Variants in CAD observed in about 807,000 individuals in gnomAD.
The protein encoded by CAD is multifunctional protein CAD.
Under a neutral mutation model 237.2 loss-of-function variants are expected in CAD, and 81 were observed. The observed-to-expected ratio is 0.34, with a 90% CI of 0.29 to 0.41. The LOEUF is 0.41. Ranked by LOEUF, CAD falls within the 10% of genes least tolerant of loss-of-function variation. The pLI is 1.00. For synonymous variants in CAD, 1,196 were observed against 1,162.8 expected, an observed-to-expected ratio of 1.03 and a Z score of -0.58; for missense variants, 2,181 against 2,951.7, an observed-to-expected ratio of 0.74 and a Z score of 6.05.
At chr2:27,220,042 T>G (rs1178096646) in intron 2 of CAD, among the ~76,000 whole-genome samples, 1 of 152,168 alleles carries the variant, frequency 6.6e-6, no homozygotes, top group Non-Finnish European at 1.5e-5. Flanking sequence ...ATATGGGTGT[T>G]ACCTTGTTTT....
chr2:27,236,592 A>C lies in CAD; in HGVS notation c.4314+69A>C. The C allele has an allele frequency of 6.3e-7, 1 of 1,589,912 alleles. No homozygotes were observed. The highest frequency in any genetic ancestry group is 8.6e-7 in the Non-Finnish European group (1 of 1,165,210). Reference sequence around the variant, plus strand: ...TGGGAAGAAGAAAGAGGGAGGAGTGAGTATGGAACAGCCATGCTAGTAATA... The same window carrying C: ...TGGGAAGAAGAAAGAGGGAGGAGTGCGTATGGAACAGCCATGCTAGTAATA... On this transcript the variant is annotated intron_variant, in intron 26 of 43. Transcript: ENST00000264705. The surrounding 1 kb of genome is among the most constrained non-coding windows in gnomAD (Gnocchi z 4.1).
Position 27,224,389 on chromosome 2 carries a change from A to T in CAD, c.1153A>T (p.Thr385Ser), listed in dbSNP as rs778480465. Residue 385 changes from threonine (T) to serine (S), a missense_variant, in exon 9 of 44, where the codon ACT becomes TCT. Transcript: ENST00000264705. ...TERLCPPGIP[T>S]PGSGLPPPRK... ...GCGCCTCTGTCCCCCTGGGATTCCC[A>T]CTCCCGGCTCTGGACTTCCACCACC... The T allele has an allele frequency of 1.2e-6, 2 of 1,613,912 alleles. No homozygotes were observed. The highest frequency in any genetic ancestry group is 1.6e-4 in the Middle Eastern group (1 of 6,062).
At chr2:27,238,382 G>T in intron 30 of CAD, 49 bp from the exon 31 acceptor site, 1 of 1,515,272 alleles carries the variant, frequency 6.6e-7, no homozygotes, top group Non-Finnish European at 8.9e-7. Context: ...TTTGTGTAGG[G>T]CAAGGCATAT....
chr2:27,243,607 T>C lies in CAD; in HGVS notation c.*89T>C. On this transcript the variant is annotated 3_prime_UTR_variant, in exon 44 of 44. Transcript: ENST00000264705. ...CTACGGGGGCAGCACACTTAGATAT[T>C]CCTGGACATCCAGATAGCTCACATG... 1.0e-6 allele frequency: 1 copy of C among 968,022 alleles called. No individual in the cohort carries two copies. Among genetic ancestry groups the C allele is most frequent in the Non-Finnish European group, 1.6e-6 (1 of 630,742 alleles). The allele number at this position is 968,022 out of a possible 1,614,324, so 60.0% of individuals were successfully genotyped here.
chr2:27,223,272 A>G (rs1245345419), intron 6 of CAD, among the ~76,000 whole-genome samples: 5 of 152,138 alleles, frequency 3.3e-5, no homozygotes, highest in Non-Finnish European at 7.4e-5. Flanking sequence ...CTCTACTAAA[A>G]ATACAAAAGT....
chr2:27,235,199 G>A lies in CAD; in HGVS notation c.3787-46G>A, dbSNP rs1407368727. 5.3e-6 allele frequency: 8 copies of A among 1,513,814 alleles called. No individual in the cohort carries two copies. The highest frequency in any genetic ancestry group is 7.2e-6 in the Non-Finnish European group (8 of 1,113,454). 93.8% of individuals were successfully genotyped at this position (1,513,814 alleles called of 1,614,324 possible). A position where few individuals can be genotyped will look rare whatever the true frequency, so the allele number is the denominator to read the frequency against. ...GTCCGTCTCTGCTGGTGAGGGAGGAGGTCCTCTCACACCTTGGCCCTCTCT... is the reference window on the plus strand; with the variant it reads ...GTCCGTCTCTGCTGGTGAGGGAGGAAGTCCTCTCACACCTTGGCCCTCTCT... On this transcript the variant is annotated intron_variant, in intron 23 of 43. Coordinates refer to ENST00000264705, the MANE Select transcript of CAD (RefSeq NM_004341.5). This position sits in a 1 kb window ranked among gnomAD's most constrained non-coding sequence, Gnocchi z 5.2.
rs894743815 is a variant in CAD, at chr2:27,239,103, G to A, written c.5124G>A (p.Glu1708=). The change falls in exon 32 of 44, where the codon GAG becomes GAA. Residue 1708 remains glutamate, a synonymous_variant. Transcript: ENST00000264705. This position sits in a 1 kb window ranked among gnomAD's most constrained non-coding sequence, Gnocchi z 4.0. ...CCCCACCTGGGTTCCCAGGGTTAGA[G>A]ACCATGCTGCCACTACTCCTGACGG... The part of the protein sequence containing the change: ...SRPPPGFPGL[E]TMLPLLLTAV... 8 of 1,611,024 alleles carry A rather than the reference G, an allele frequency of 5.0e-6. No homozygotes were observed. Among genetic ancestry groups the A allele is most frequent in the Non-Finnish European group, 6.8e-6 (8 of 1,178,480 alleles).
chr2:27,236,652 A>G lies in CAD; in HGVS notation c.4315-97A>G, dbSNP rs1572445590. ...GGCTACAGAGGGAGAGATGGTGGGT[A>G]TAGAGTGTGCAGAGCCTGGTTTATG... On this transcript the variant is annotated intron_variant, in intron 26 of 43. Transcript: ENST00000264705. This position sits in a 1 kb window ranked among gnomAD's most constrained non-coding sequence, Gnocchi z 4.1. The G allele has an allele frequency of 6.5e-7, 1 of 1,540,258 alleles. No individual in the cohort carries two copies. Among genetic ancestry groups the G allele is most frequent in the Non-Finnish European group, 9.0e-7 (1 of 1,114,462 alleles).
chr2:27,223,887 A>G, intron 7 of CAD, 30 bp from the exon 8 acceptor site: 1 of 1,580,092 alleles, frequency 6.3e-7, no homozygotes, highest in Non-Finnish European at 8.7e-7. Context: ...AGGGACCATG[A>G]TGGTTTTCAT....
Position 27,232,461 on chromosome 2 carries a change from G to A in CAD, c.2659G>A (p.Val887Ile), listed in dbSNP as rs151333622. 1.9e-6 allele frequency: 3 copies of A among 1,614,218 alleles called. No homozygotes were observed. Among genetic ancestry groups the A allele is most frequent in the Non-Finnish European group, 1.7e-6 (2 of 1,180,032 alleles). Reference protein sequence around the residue: ...ALAVLSTELAVRKLRQELGIC... With the variant: ...ALAVLSTELAIRKLRQELGIC... ...TTTCTATTTTAGCACAGAGCTGGCTGTTCGCAAGCTGCGTCAGGAACTGGG... is the reference window on the plus strand; with the variant it reads ...TTTCTATTTTAGCACAGAGCTGGCTATTCGCAAGCTGCGTCAGGAACTGGG... The change falls in exon 18 of 44, where the codon GTT becomes ATT. Residue 887 changes from valine (V) to isoleucine (I), a missense_variant. By Grantham distance (29) the Val-to-Ile change is conservative. Around this residue, in one of 12 missense-constraint regions of CAD, gnomAD observed 385 missense variants for 535.1 expected, o/e 0.72. Transcript: ENST00000264705. This position sits in a 1 kb window ranked among gnomAD's most constrained non-coding sequence, Gnocchi z 4.1.
Position 27,243,592 on chromosome 2 carries a change from AGCACACTTAGATATTC to A in CAD, c.*75_*90del. 3 of 1,119,736 alleles carry A rather than the reference AGCACACTTAGATATTC, an allele frequency of 2.7e-6. No individual in the cohort carries two copies. The highest frequency in any genetic ancestry group is 3.9e-6 in the Non-Finnish European group (3 of 761,270). The allele number at this position is 1,119,736 out of a possible 1,614,324, so 69.4% of individuals were successfully genotyped here. A position where few individuals can be genotyped will look rare whatever the true frequency, so the allele number is the denominator to read the frequency against. On this transcript the variant is annotated 3_prime_UTR_variant, in exon 44 of 44. Coordinates refer to ENST00000264705, the MANE Select transcript of CAD (RefSeq NM_004341.5). The stretch of plus-strand genomic sequence containing the variant: ...GAATTCCAGTGCCTCCTACGGGGGC[AGCACACTTAGATATTC>A]CTGGACATCCAGATAGCTCACATGT...
rs749314055 is a variant in CAD at position 27,240,236 on chromosome 2, AC to A, written c.5497-28del. The A allele has an allele frequency of 1.3e-6, 2 of 1,555,526 alleles. No homozygotes were observed. Among genetic ancestry groups the A allele is most frequent in the Non-Finnish European group, 1.7e-6 (2 of 1,145,282 alleles). ...TCCGTCTCAAAAGAAAAAAAAAAAA[AC>A]AACTCTGGGCCAACGTTATCCCTCC... is the stretch of plus-strand genomic sequence containing the variant. On this transcript the variant is annotated intron_variant, in intron 34 of 43. Coordinates refer to ENST00000264705, the MANE Select transcript of CAD (RefSeq NM_004341.5). The surrounding 1 kb of genome is among the most constrained non-coding windows in gnomAD (Gnocchi z 4.6).
rs772034961 is a variant in CAD at position 27,222,964 on chromosome 2, C to T, written c.736C>T (p.Arg246Ter). The T allele has an allele frequency of 1.2e-6, 2 of 1,614,152 alleles. No homozygotes were observed. Among genetic ancestry groups the T allele is most frequent in the Non-Finnish European group, 8.5e-7 (1 of 1,180,030 alleles). The change falls in exon 6 of 44, where the codon CGA (arginine) becomes TGA (stop). Residue 246 changes from arginine (R) to a stop codon, truncating the protein, a stop_gained. Transcript: ENST00000264705. LOFTEE classifies it high-confidence loss of function. Reference sequence around the variant, plus strand: ...CCGTGTTTTATCTGAGCCTAATCCCCGACCTGTCTTTGGGATCTGCCTGGG... The same window carrying T: ...CCGTGTTTTATCTGAGCCTAATCCCTGACCTGTCTTTGGGATCTGCCTGGG... ...LSRVLSEPNPRPVFGICLGHQ... is the reference protein window; with the variant it reads ...LSRVLSEPNP
At position 27,225,084 on chromosome 2, in the gene CAD, G is replaced by T. The variant is rs1323391754; in HGVS notation, c.1461G>T (p.Glu487Asp). ...GGQTALNCGV[E>D]LTKAGVLARY... ...AGACTGCTCTGAACTGTGGTGTGGAGCTGACCAAGGCCGGGGTGCTGGCTC... is the reference window on the plus strand; with the variant it reads ...AGACTGCTCTGAACTGTGGTGTGGATCTGACCAAGGCCGGGGTGCTGGCTC... Residue 487 changes from glutamate (E) to aspartate (D), a missense_variant, in exon 11 of 44, where the codon GAG becomes GAT. This residue lies in a region of CAD where 174 missense variants were observed against 215.8 expected (regional missense o/e 0.81). Transcript: ENST00000264705. 1 of 1,614,172 alleles carries T rather than the reference G, an allele frequency of 6.2e-7. No individual in the cohort carries two copies. The highest frequency in any genetic ancestry group is 8.5e-7 in the Non-Finnish European group (1 of 1,180,022).
chr2:27,221,496 C>G (rs1342657181), intron 3 of CAD, 149 bp downstream of exon 3: 41 of 746,284 alleles, frequency 5.5e-5, no homozygotes, highest in Non-Finnish European at 6.7e-5. Flanking sequence ...AAGAATTGAA[C>G]TATCACTCAG....
chr2:27,236,651 T>G lies in CAD; in HGVS notation c.4315-98T>G. 1 of 1,541,264 alleles carries G rather than the reference T, an allele frequency of 6.5e-7. No individual in the cohort carries two copies. The highest frequency in any genetic ancestry group is 9.0e-7 in the Non-Finnish European group (1 of 1,115,806). ...TGGCTACAGAGGGAGAGATGGTGGG[T>G]ATAGAGTGTGCAGAGCCTGGTTTAT... On this transcript the variant is annotated intron_variant, in intron 26 of 43. Transcript: ENST00000264705. The surrounding 1 kb of genome is among the most constrained non-coding windows in gnomAD (Gnocchi z 4.1).
chr2:27,231,865 C>A (rs1675775477), intron 16 of CAD, 115 bp from the exon 17 acceptor site: 4 of 1,303,852 alleles, frequency 3.1e-6, no homozygotes, highest in African/African-American at 2.9e-5. Flanking sequence ...TTTGCAGTTA[C>A]ACAGCCTGTG....
rs763202712 is a variant in CAD, at chr2:27,223,544, G to A, written c.810-19G>A. 42 of 1,610,320 alleles carry A rather than the reference G, an allele frequency of 2.6e-5. No homozygotes were observed. In the Admixed American group the frequency reaches 5.0e-4, roughly 19 times the overall value. Reference sequence around the variant, plus strand: ...AGAGGGTGAGCAGGGCCTGTGACTCGGCATGCTTCTACCTCCAGATATGGG... The same window carrying A: ...AGAGGGTGAGCAGGGCCTGTGACTCAGCATGCTTCTACCTCCAGATATGGG... On this transcript the variant is annotated intron_variant, in intron 6 of 43. Transcript: ENST00000264705.
In CAD at chr2:27,241,816, C is replaced by A; in HGVS notation, c.5884-95C>A. The A allele has an allele frequency of 1.0e-6, 1 of 982,476 alleles. No homozygotes were observed. The highest frequency in any genetic ancestry group is 1.6e-6 in the Non-Finnish European group (1 of 638,380). The allele number at this position is 982,476 out of a possible 1,614,324, so 60.9% of individuals were successfully genotyped here. The stretch of plus-strand genomic sequence containing the variant: ...TTTGGGTGCAGAAGGGTCCTCACAG[C>A]ACCCCTCAAGTGTCAGTTGGGGTGG... On this transcript the variant is annotated intron_variant, in intron 38 of 43. Transcript: ENST00000264705. The surrounding 1 kb of genome is among the most constrained non-coding windows in gnomAD (Gnocchi z 4.6).
Sources: gnomAD v4.1 joint callset for allele counts (sites outside exome capture counted in the v4.1 genomes callset) on GRCh38, gnomAD v4.1.1 for gene constraint, gnomAD v4.1.1 regional missense constraint, Gnocchi (gnomAD v3.1) non-coding constraint, MANE v1.5 for transcripts, NCBI Gene and HGNC (gene_info 2026-07-23, HGNC 2026-07-21) for gene names.